The following PCDH15 variants were observed in gnomAD, a reference collection of about 807,000 sequenced individuals.
The protein encoded by PCDH15 is protocadherin-15.
PCDH15 carries 129 observed loss-of-function variants against 178.5 expected under a neutral mutation model. The ratio of observed to expected loss-of-function variants is 0.72; its 90% confidence interval spans 0.63 to 0.84. The LOEUF (loss-of-function observed/expected upper bound fraction) is 0.84, where lower values mean the gene tolerates loss of function less well. PCDH15 is among the 40% of genes least tolerant of loss of function. PCDH15 has a pLI of 0.00. For missense variants in PCDH15, 2,230 were observed against 2,099.9 expected, an observed-to-expected ratio of 1.06 and a Z score of -1.21; for synonymous variants, 800 against 732.0, an observed-to-expected ratio of 1.09 and a Z score of -1.50.
In PCDH15 at chr10:55,519,381, G is replaced by A. The variant is rs374301976; in HGVS notation, c.-156+108244C>T. On this transcript the variant is annotated intron_variant, in intron 2 of 5. Transcript: ENST00000613346. ...GATTACAGAAATGGAGAACAAATTC[G>A]AGGTTTCTGGGGGTTAAAGTCAAGG... 2.0e-5 allele frequency among the ~76,000 whole-genome samples: 3 copies of A among 151,644 alleles called. No individual in the cohort carries two copies. The East Asian group carries it at 5.8e-4, about 29-fold the overall frequency.
At chr10:54,315,615 CT>C (rs2061201537) in intron 8 of PCDH15, among the ~76,000 whole-genome samples, 2 of 152,048 alleles carry the variant, frequency 1.3e-5, no homozygotes, top group South Asian at 4.1e-4. Context: ...TGCCTTTGTC[CT>C]GAATAGTATT....
At chr10:54,825,537 T>C in intron 3 of PCDH15, among the ~76,000 whole-genome samples, 1 of 146,426 alleles carries the variant, frequency 6.8e-6, no homozygotes, top group African/African-American at 2.5e-5. Context: ...CAGCACCTGT[T>C]GTTTCCTGAC....
At chr10:54,885,617 A>G (rs1291030505) in intron 3 of PCDH15, among the ~76,000 whole-genome samples, 2 of 152,120 alleles carry the variant, frequency 1.3e-5, no homozygotes, top group Non-Finnish European at 1.5e-5. Flanking sequence ...ATCAATATGA[A>G]AATAACATAA....
chr10:54,214,792 T>C (rs2051828024), intron 9 of PCDH15, among the ~76,000 whole-genome samples: 1 of 152,158 alleles, frequency 6.6e-6, no homozygotes, highest in African/African-American at 2.4e-5. Flanking sequence ...GGATTTGCCA[T>C]GTTGGCCAGG....
In PCDH15 at chr10:54,064,153, C is replaced by T. The variant is rs372564243; in HGVS notation, c.2220+2604G>A. Among the ~76,000 whole-genome samples the T allele has an allele frequency of 9.9e-4, 151 of 152,288 alleles. 2 individuals carry two copies. Among genetic ancestry groups the T allele is most frequent in the Admixed American group, 4.3e-3 (66 of 15,298 alleles). ...GAAGTGTGTAGCTCCTATCCATAGGCAGGTTATCCCCATAAGTGTCCAGCT... is the reference window on the plus strand; with the variant it reads ...GAAGTGTGTAGCTCCTATCCATAGGTAGGTTATCCCCATAAGTGTCCAGCT... On this transcript the variant is annotated intron_variant, in intron 18 of 37. Coordinates refer to ENST00000644397, the MANE Select transcript of PCDH15 (RefSeq NM_001384140.1).
chr10:55,131,455 G>A (rs1013026982), intron 2 of PCDH15, among the ~76,000 whole-genome samples: 15 of 152,156 alleles, frequency 9.9e-5, no homozygotes, highest in Admixed American at 8.5e-4. Context: ...CCCACAACGT[G>A]GTGAGTGGCG....
intron 2 of PCDH15, among the ~76,000 whole-genome samples, chr10:55,083,149 CA>C (rs111471537): frequency 2.9e-4 from 42 of 144,752 alleles, no homozygotes; most frequent in South Asian, 6.5e-4. Context: ...AAAAAATTTG[CA>C]AAAAAAAACA....
Position 54,236,823 on chromosome 10 carries a change from C to T in PCDH15, c.985G>A (p.Gly329Arg), listed in dbSNP as rs1166198215. Residue 329 changes from glycine to arginine, a missense_variant and splice_region_variant, in exon 9 of 38, where the codon GGG becomes AGG. Coordinates refer to ENST00000644397, the MANE Select transcript of PCDH15 (RefSeq NM_001384140.1). Reference protein sequence around the residue: ...RPGILYSILVGTPEDYPRFFH... With the variant: ...RPGILYSILVRTPEDYPRFFH... ...GTGTAAAATGTTATCAGATACAAAC[C>T]AACAAGGATGGAATAGAGGATTCCT... The T allele has an allele frequency of 6.2e-7, 1 of 1,607,288 alleles. No homozygotes were observed. Among genetic ancestry groups the T allele is most frequent in the Admixed American group, 1.7e-5 (1 of 59,966 alleles).
At chr10:54,115,205 G>A (rs7915690) in intron 15 of PCDH15, among the ~76,000 whole-genome samples, 4,452 of 152,100 alleles carry the variant, frequency 0.029, 239 homozygotes, top group African/African-American at 0.1. Context: ...GGGGGCCTGT[G>A]GATAAAGAGA....
intron 2 of PCDH15, among the ~76,000 whole-genome samples, chr10:54,604,879 C>T (rs1485981307): frequency 1.3e-5 from 2 of 150,872 alleles, no homozygotes; most frequent in Non-Finnish European, 3.0e-5. Flanking sequence ...ATTCCTTTCT[C>T]CTTTTCTTTT....
chr10:53,906,456 T>C (rs1157446359), intron 25 of PCDH15, among the ~76,000 whole-genome samples: 1 of 152,184 alleles, frequency 6.6e-6, no homozygotes, highest in Non-Finnish European at 1.5e-5. Flanking sequence ...CCTACATCTA[T>C]CAGTACTATA....
At chr10:54,611,382 C>A (rs2054285382) in intron 2 of PCDH15, among the ~76,000 whole-genome samples, 1 of 151,730 alleles carries the variant, frequency 6.6e-6, no homozygotes, top group Admixed American at 6.6e-5. Flanking sequence ...ATATCGTCAC[C>A]TCTGATTACT....
chr10:55,460,529 G>C (rs1839652945), intron 2 of PCDH15, among the ~76,000 whole-genome samples: 1 of 151,894 alleles, frequency 6.6e-6, no homozygotes, highest in Non-Finnish European at 1.5e-5. Flanking sequence ...TTTTTCACCG[G>C]ACGCGTTTTG....
intron 8 of PCDH15, among the ~76,000 whole-genome samples, chr10:54,284,128 C>T (rs1461890126): frequency 2.0e-5 from 3 of 152,098 alleles, no homozygotes; most frequent in African/African-American, 7.2e-5. Context: ...AGCCATGGTG[C>T]CCGGCCTAAT....
At chr10:54,866,133 A>T (rs1439981875) in intron 3 of PCDH15, among the ~76,000 whole-genome samples, 1 of 152,176 alleles carries the variant, frequency 6.6e-6, no homozygotes, top group Non-Finnish European at 1.5e-5. Flanking sequence ...TCAGCTATGC[A>T]CTCAGTACTG....
chr10:54,299,223 C>T (rs1164443096), intron 8 of PCDH15, among the ~76,000 whole-genome samples: 1 of 151,414 alleles, frequency 6.6e-6, no homozygotes, highest in East Asian at 2.0e-4. Context: ...GAGGAAGAGA[C>T]AGAGACAAAG....
At chr10:53,884,319 C>T (rs182475184) in intron 26 of PCDH15, among the ~76,000 whole-genome samples, 1 of 152,120 alleles carries the variant, frequency 6.6e-6, no homozygotes, top group Non-Finnish European at 1.5e-5. Context: ...CTGTTTTACA[C>T]CCTTTAACAA....
Position 54,923,042 on chromosome 10 carries a change from T to A in PCDH15, c.-79-25542A>T, listed in dbSNP as rs201670925. On this transcript the variant is annotated intron_variant, in intron 2 of 5. Coordinates refer to the PCDH15 transcript ENST00000458638. ...CTGCCTAGACACTCAAGTATTTCCA[T>A]ACATCCTCTGAAATCTAGGAAGAGG... 2.1e-5 allele frequency among the ~76,000 whole-genome samples: 3 copies of A among 140,366 alleles called. No individual in the cohort carries two copies. The East Asian group carries it at 5.9e-4, about 28-fold the overall frequency. The allele number at this position is 140,366 out of a possible 152,430, so 92.1% of individuals were successfully genotyped here. A position where few individuals can be genotyped will look rare whatever the true frequency, so the allele number is the denominator to read the frequency against.
chr10:54,333,882 T>C (rs896534048), intron 6 of PCDH15, among the ~76,000 whole-genome samples: 1 of 152,170 alleles, frequency 6.6e-6, no homozygotes, highest in Non-Finnish European at 1.5e-5. Flanking sequence ...GCTATTTATT[T>C]TTCTCTTCTT....
Sources: allele counts gnomAD v4.1 joint callset (sites outside exome capture counted in the v4.1 genomes callset), GRCh38; gene constraint gnomAD v4.1.1; transcripts MANE v1.5; gene names NCBI Gene and HGNC (gene_info 2026-07-23, HGNC 2026-07-21).